IFT74: variants seen among roughly 807,000 people sequenced by gnomAD.
IFT74 encodes the protein intraflagellar transport 74, also known as intraflagellar transport protein 74 homolog.
In IFT74, 92 loss-of-function variants were observed where a neutral mutation model predicts 96.7. The observed-to-expected ratio is 0.95, with a 90% CI of 0.80 to 1.13. IFT74 has a LOEUF of 1.13. Ranked by LOEUF, IFT74 falls within the 50% of genes most tolerant of loss-of-function variation. IFT74 has a pLI of 0.00. For missense variants in IFT74, 811 were observed against 698.2 expected, an observed-to-expected ratio of 1.16 and a Z score of -1.82; for synonymous variants, 223 against 213.2, an observed-to-expected ratio of 1.05 and a Z score of -0.40.
chr9:27,006,731 A>C (rs1471644216), intron 8 of IFT74, among the ~76,000 whole-genome samples: 1 of 149,066 alleles, frequency 6.7e-6, no homozygotes. Flanking sequence ...AAGGAGAGAG[A>C]GAGAAAAGAA....
chr9:27,058,637 C>T (rs1272796009), intron 18 of IFT74, among the ~76,000 whole-genome samples: 1 of 152,222 alleles, frequency 6.6e-6, no homozygotes, highest in African/African-American at 2.4e-5. Flanking sequence ...ATCCACCTGC[C>T]TCGGCCTCCC....
chr9:26,970,416 C>A (rs137924481), intron 2 of IFT74, among the ~76,000 whole-genome samples: 45 of 152,218 alleles, frequency 3.0e-4, no homozygotes, highest in African/African-American at 7.2e-4. Context: ...GTACTGTATA[C>A]ATTGTTATTT....
chr9:26,971,061 C>G (rs1826856474), intron 2 of IFT74, among the ~76,000 whole-genome samples: 1 of 152,166 alleles, frequency 6.6e-6, no homozygotes, highest in African/African-American at 2.4e-5. Context: ...TCAATGTTTT[C>G]TATTAGTCTA....
At chr9:26,961,903 C>T (rs1587236756) in intron 1 of IFT74, 46 bp from the exon 2 acceptor site, 5 of 1,591,358 alleles carry the variant, frequency 3.1e-6, no homozygotes, top group Non-Finnish European at 4.3e-6. Flanking sequence ...TATTGTCTTG[C>T]TAGAGAAGAC....
Position 27,011,929 on chromosome 9 carries a change from A to T in IFT74, c.750A>T (p.Gln250His). 1.3e-6 allele frequency: 2 copies of T among 1,586,042 alleles called. No individual in the cohort carries two copies. Among genetic ancestry groups the T allele is most frequent in the Non-Finnish European group, 1.7e-6 (2 of 1,167,238 alleles). Residue 250 changes from glutamine (Q) to histidine (H), a missense_variant, in exon 10 of 20, where the codon CAA becomes CAT. Physicochemically the swap from Gln to His is conservative, Grantham distance 24. Transcript: ENST00000380062. ...LLQELDTLQQ[Q>H]LDSQNMKKES... ...AGGAATTAGATACACTTCAACAACA[A>T]TTGGATTCACAGAACATGAAAAAAG...
chr9:27,008,987 A>G (rs1828921059), intron 8 of IFT74, 33 bp from the exon 9 acceptor site: 3 of 1,560,242 alleles, frequency 1.9e-6, no homozygotes, highest in Admixed American at 3.5e-5. Context: ...TCCTCAATAT[A>G]GTATCAGGAA....
intron 19 of IFT74, among the ~76,000 whole-genome samples, chr9:27,061,680 T>C (rs911329528): frequency 1.4e-5 from 2 of 146,432 alleles, no homozygotes; most frequent in African/African-American, 5.0e-5. Context: ...TCCACAAGTA[T>C]ATATATATAT....
chr9:27,000,351 A>G (rs1284243528), intron 8 of IFT74, among the ~76,000 whole-genome samples: 2 of 152,242 alleles, frequency 1.3e-5, no homozygotes, highest in Non-Finnish European at 2.9e-5. Flanking sequence ...ACGTATATTT[A>G]TGCATGTTTA....
intron 8 of IFT74, among the ~76,000 whole-genome samples, chr9:27,000,771 G>A (rs907413902): frequency 1.3e-5 from 2 of 152,074 alleles, no homozygotes; most frequent in South Asian, 2.1e-4. Context: ...GCAAACCACC[G>A]TGGCACATGT....
chr9:27,013,660 CTATT>C (rs1829215401), intron 10 of IFT74, among the ~76,000 whole-genome samples: 1 of 152,104 alleles, frequency 6.6e-6, no homozygotes, highest in Non-Finnish European at 1.5e-5. Flanking sequence ...AGTTGAGTAT[CTATT>C]TATATCATTT....
At position 26,984,274 on chromosome 9, in the gene IFT74, T is replaced by C; in HGVS notation, c.323T>C (p.Leu108Pro). The change falls in exon 5 of 20, where the codon CTT becomes CCT. Residue 108 changes from leucine (L) to proline (P), a missense_variant. Physicochemically the swap from Leu to Pro is moderately conservative, Grantham distance 98. Transcript: ENST00000380062. ...TCTAATAGAAGTAAAATAAGTGAAC[T>C]TACAACTGAAGTTAATAAACTTCAG... is the stretch of plus-strand genomic sequence containing the variant. ...LGLLRSKISE[L>P]TTEVNKLQKG... The C allele has an allele frequency of 7.0e-6, 11 of 1,566,616 alleles. No homozygotes were observed. The highest frequency in any genetic ancestry group is 9.5e-6 in the Non-Finnish European group (11 of 1,154,990).
intron 8 of IFT74, among the ~76,000 whole-genome samples, chr9:26,992,513 C>A (rs1379595250): frequency 6.6e-6 from 1 of 151,798 alleles, no homozygotes; most frequent in South Asian, 2.1e-4. Flanking sequence ...GGCAATGTGG[C>A]GAAACTCTGT....
intron 9 of IFT74, among the ~76,000 whole-genome samples, chr9:27,011,127 C>A (rs1349761274): frequency 6.6e-6 from 1 of 152,122 alleles, no homozygotes; most frequent in Non-Finnish European, 1.5e-5. Flanking sequence ...GTAGCAGGCC[C>A]CTGTAATCCC....
intron 8 of IFT74, among the ~76,000 whole-genome samples, chr9:27,002,045 G>A (rs62542668): frequency 6.6e-6 from 1 of 152,096 alleles, no homozygotes; most frequent in Non-Finnish European, 1.5e-5. Flanking sequence ...AATCATGGTG[G>A]AAGGTGAAGG....
In IFT74 at chr9:27,047,348, G is replaced by C; in HGVS notation, c.1183G>C (p.Ala395Pro). Residue 395 changes from alanine (A) to proline (P), a missense_variant, in exon 15 of 20, where the codon GCA (alanine) becomes CCA (proline). Physicochemically the swap from Ala to Pro is conservative, Grantham distance 27. Coordinates refer to ENST00000380062, the MANE Select transcript of IFT74 (RefSeq NM_025103.4). ...RKAQIEANIV[A>P]LLEHCSRNIN... ...GGCACAGATAGAAGCCAACATTGTT[G>C]CACTCTTGGAGCACTGCAGTCGAGT... 6.2e-7 allele frequency: 1 copy of C among 1,612,032 alleles called. No individual in the cohort carries two copies.
At chr9:26,987,718 T>C (rs1271080834) in intron 6 of IFT74, among the ~76,000 whole-genome samples, 1 of 152,226 alleles carries the variant, frequency 6.6e-6, no homozygotes, top group African/African-American at 2.4e-5. Context: ...CTGTAAAATG[T>C]GTACAATCAT....
Position 27,055,771 on chromosome 9 carries a change from A to G in IFT74, c.1496A>G (p.Lys499Arg), listed in dbSNP as rs752503807. 2 of 1,513,508 alleles carry G rather than the reference A, an allele frequency of 1.3e-6. No individual in the cohort carries two copies. Among genetic ancestry groups the G allele is most frequent in the South Asian group, 1.3e-5 (1 of 74,672 alleles). The allele number at this position is 1,513,508 out of a possible 1,614,324, so 93.8% of individuals were successfully genotyped here. ...ALKSSGEEKI[K>R]KLHQERMILS... ...AAATCATCAGGTGAAGAAAAGATAA[A>G]GGTAAATGTTAACCAAGTCTTACAG... Residue 499 changes from lysine to arginine, a missense_variant and splice_region_variant, in exon 17 of 20, where the codon AAG becomes AGG. Coordinates refer to ENST00000380062, the MANE Select transcript of IFT74 (RefSeq NM_025103.4).
intron 13 of IFT74, among the ~76,000 whole-genome samples, chr9:27,038,141 G>T (rs999407101): frequency 6.6e-6 from 1 of 152,216 alleles, no homozygotes; most frequent in South Asian, 2.1e-4. Flanking sequence ...TTTTACAGAG[G>T]CTGTAGATGC....
intron 2 of IFT74, among the ~76,000 whole-genome samples, chr9:26,975,127 C>T (rs1238043463): frequency 6.6e-6 from 1 of 152,066 alleles, no homozygotes; most frequent in East Asian, 1.9e-4. Flanking sequence ...GGAATGAGAC[C>T]TGAGGCGGCA....
Sources: allele counts gnomAD v4.1 joint callset (sites outside exome capture counted in the v4.1 genomes callset), GRCh38; gene constraint gnomAD v4.1.1; transcripts MANE v1.5; gene names NCBI Gene and HGNC (gene_info 2026-07-23, HGNC 2026-07-21).